Variants in TMCC1 observed in about 807,000 individuals in gnomAD.
TMCC1 encodes transmembrane and coiled-coil domain family 1.
A neutral mutation model predicts 52.4 loss-of-function variants in TMCC1; 15 were observed. The observed-to-expected ratio is 0.29, with a 90% CI of 0.19 to 0.44. The LOEUF is 0.44. Among genes scored for constraint, TMCC1 ranks in the 20% least tolerant of loss-of-function variants. The pLI, the probability that TMCC1 is intolerant of heterozygous loss-of-function variation, is 1.00. For synonymous variants in TMCC1, 279 were observed against 301.9 expected, an observed-to-expected ratio of 0.92 and a Z score of 0.79; for missense variants, 503 against 806.0, an observed-to-expected ratio of 0.62 and a Z score of 4.55.
Position 129,651,186 on chromosome 3 carries a change from C to T in TMCC1, c.*295G>A, listed in dbSNP as rs2086300841. On this transcript the variant is annotated 3_prime_UTR_variant, in exon 7 of 7. Coordinates refer to ENST00000393238, the MANE Select transcript of TMCC1 (RefSeq NM_001017395.5). This position sits in a 1 kb window ranked among gnomAD's most constrained non-coding sequence, Gnocchi z 5.1. ...TCAAGCCACAATTTAGATTGCCCTT[C>T]GGTGTGCTCCAGATTGTTGGTTCAT... is the stretch of plus-strand genomic sequence containing the variant. 5 of 343,708 alleles carry T rather than the reference C, an allele frequency of 1.5e-5. No individual in the cohort carries two copies. The highest frequency in any genetic ancestry group is 4.4e-5 in the Admixed American group (1 of 22,744). The allele number at this position is 343,708 out of a possible 1,614,324, so 21.3% of individuals were successfully genotyped here. A position where few individuals can be genotyped will look rare whatever the true frequency, so the allele number is the denominator to read the frequency against.
intron 4 of TMCC1, among the ~76,000 whole-genome samples, chr3:129,787,444 T>G (rs566686904): frequency 6.6e-6 from 1 of 152,274 alleles, no homozygotes; most frequent in South Asian, 2.1e-4. Flanking sequence ...GGAAGTTGCA[T>G]GTCCATTGTT....
intron 4 of TMCC1, among the ~76,000 whole-genome samples, chr3:129,686,419 G>A (rs1343847026): frequency 1.3e-5 from 2 of 152,102 alleles, no homozygotes; most frequent in Non-Finnish European, 2.9e-5. Flanking sequence ...TCATTTTACA[G>A]TATGTTTCCT....
intron 2 of TMCC1, among the ~76,000 whole-genome samples, chr3:129,867,828 A>G (rs911573441): frequency 6.6e-6 from 1 of 152,204 alleles, no homozygotes; most frequent in Non-Finnish European, 1.5e-5. Context: ...GCTACAAGAC[A>G]AGTGATTCTA....
chr3:129,819,010 A>C (rs191793095), intron 4 of TMCC1: 1 of 153,044 alleles, frequency 6.5e-6, no homozygotes, highest in Non-Finnish European at 1.5e-5. Flanking sequence ...CTCCAGGCCA[A>C]ACAGTTCACT....
At chr3:129,715,505 T>C (rs745711262) in intron 4 of TMCC1, among the ~76,000 whole-genome samples, 3 of 152,096 alleles carry the variant, frequency 2.0e-5, no homozygotes, top group African/African-American at 7.2e-5. Flanking sequence ...AGTTGTGCCA[T>C]TGCACTCTAG....
rs1410984916 is a variant in TMCC1 at position 129,650,051 on chromosome 3, G to C, written c.*1430C>G. 1.3e-5 allele frequency: 2 copies of C among 152,524 alleles called. No homozygotes were observed. Among genetic ancestry groups the C allele is most frequent in the Non-Finnish European group, 2.9e-5 (2 of 68,026 alleles). The allele number at this position is 152,524 out of a possible 1,614,324, so 9.4% of individuals were successfully genotyped here. A position where few individuals can be genotyped will look rare whatever the true frequency, so the allele number is the denominator to read the frequency against. ...ACATTTCCTTCACTGCTCTTTAGGAGAATCACCTTTGGTTGATTCTCTTAG... is the reference window on the plus strand; with the variant it reads ...ACATTTCCTTCACTGCTCTTTAGGACAATCACCTTTGGTTGATTCTCTTAG... On this transcript the variant is annotated 3_prime_UTR_variant, in exon 7 of 7. Transcript: ENST00000393238.
At chr3:129,653,249 CAAT>C (rs1243223440) in intron 6 of TMCC1, among the ~76,000 whole-genome samples, 1 of 152,194 alleles carries the variant, frequency 6.6e-6, no homozygotes, top group Non-Finnish European at 1.5e-5. Context: ...TCCACTATAA[CAAT>C]GATGCAGTGA....
chr3:129,818,504 GAAACTTTTAAAGAAAAGTTTTAAA>G lies in TMCC1; in HGVS notation c.576+9275_576+9298del, dbSNP rs1560482972. 1.3e-3 allele frequency among the ~76,000 whole-genome samples: 31 copies of G among 23,210 alleles called. 4 individuals are homozygous for G. Among genetic ancestry groups the G allele is most frequent in the African/African-American group, 7.0e-3 (31 of 4,424 alleles). 15.2% of individuals were successfully genotyped at this position (23,210 alleles called of 152,430 possible). A position where few individuals can be genotyped will look rare whatever the true frequency, so the allele number is the denominator to read the frequency against. ...GAAACTTTTAAAGAAAAGTTTTAAA[GAAACTTTTAAAGAAAAGTTTTAAA>G]GAAACTTTTAAAGAAAAGTTTTAAA... On this transcript the variant is annotated intron_variant, in intron 4 of 6. Transcript: ENST00000393238.
chr3:129,689,600 T>C (rs1263726514), intron 4 of TMCC1, among the ~76,000 whole-genome samples: 1 of 152,194 alleles, frequency 6.6e-6, no homozygotes, highest in Non-Finnish European at 1.5e-5. Context: ...TCTTTACTTC[T>C]AGTTAAGTAT....
chr3:129,746,959 AC>A (rs2052034092), intron 4 of TMCC1, among the ~76,000 whole-genome samples: 2 of 152,202 alleles, frequency 1.3e-5, no homozygotes, highest in African/African-American at 4.8e-5. Context: ...CCTCATCAGC[AC>A]AACAGGATAA....
At chr3:129,774,126 T>A (rs1248242967) in intron 4 of TMCC1, among the ~76,000 whole-genome samples, 2 of 152,196 alleles carry the variant, frequency 1.3e-5, no homozygotes, top group African/African-American at 4.8e-5. Context: ...TGGAGAAATG[T>A]AGCCAATTCT....
intron 4 of TMCC1, among the ~76,000 whole-genome samples, chr3:129,737,041 C>A (rs1176954758): frequency 6.6e-6 from 1 of 152,188 alleles, no homozygotes; most frequent in African/African-American, 2.4e-5. Context: ...CTGCTATGAT[C>A]TGCATGTCTC....
intron 4 of TMCC1, among the ~76,000 whole-genome samples, chr3:129,773,402 G>GA (rs964653466): frequency 6.6e-6 from 1 of 152,006 alleles, no homozygotes; most frequent in African/African-American, 2.4e-5. Context: ...AAGCTAGGGG[G>GA]AAAAAAAGCT....
chr3:129,810,163 C>T (rs2057722808), intron 4 of TMCC1, among the ~76,000 whole-genome samples: 1 of 152,072 alleles, frequency 6.6e-6, no homozygotes, highest in Admixed American at 6.6e-5. Flanking sequence ...TCAAGACCAG[C>T]CTGGGCAACA....
chr3:129,892,088 A>G (rs1489730447), intron 1 of TMCC1, among the ~76,000 whole-genome samples: 2 of 152,208 alleles, frequency 1.3e-5, no homozygotes, highest in Non-Finnish European at 2.9e-5. Context: ...ATTCTTATAC[A>G]CAGTACACAG....
chr3:129,769,662 C>A (rs1056781001), intron 4 of TMCC1, among the ~76,000 whole-genome samples: 2 of 151,028 alleles, frequency 1.3e-5, no homozygotes, highest in Non-Finnish European at 2.9e-5. Flanking sequence ...AGATTGGACA[C>A]CCCTAATCTA....
At chr3:129,723,355 TTTTTC>T (rs925841539) in intron 4 of TMCC1, among the ~76,000 whole-genome samples, 5 of 135,536 alleles carry the variant, frequency 3.7e-5, no homozygotes, top group African/African-American at 1.7e-4. Flanking sequence ...CTAAGAAATC[TTTTTC>T]TTTTTTTTTT....
intron 2 of TMCC1, among the ~76,000 whole-genome samples, chr3:129,871,962 A>C (rs569825856): frequency 6.6e-6 from 1 of 152,350 alleles, no homozygotes; most frequent in East Asian, 1.9e-4. Flanking sequence ...AACACATCTA[A>C]GTTGTAAAGA....
chr3:129,732,695 T>C (rs972700019), intron 4 of TMCC1, among the ~76,000 whole-genome samples: 5 of 151,950 alleles, frequency 3.3e-5, no homozygotes, highest in Non-Finnish European at 5.9e-5. Context: ...AAAAAAGCAA[T>C]TGAGACTCAT....
Sources: allele counts gnomAD v4.1 joint callset (sites outside exome capture counted in the v4.1 genomes callset), GRCh38; gene constraint gnomAD v4.1.1; non-coding constraint Gnocchi (gnomAD v3.1); transcripts MANE v1.5; gene names NCBI Gene and HGNC (gene_info 2026-07-23, HGNC 2026-07-21).